STON2: variants seen among roughly 807,000 people sequenced by gnomAD.
STON2 encodes the protein stonin-2.
STON2 carries 29 observed loss-of-function variants against 65.7 expected under a neutral mutation model. That is an observed-to-expected ratio of 0.44 (90% CI 0.33 to 0.60). The LOEUF is 0.60. Ranked by LOEUF, STON2 falls within the 20% of genes least tolerant of loss-of-function variation. STON2 has a pLI of 0.03. For missense variants in STON2, 1,054 were observed against 1,118.1 expected, an observed-to-expected ratio of 0.94 and a Z score of 0.82; for synonymous variants, 404 against 414.2, an observed-to-expected ratio of 0.98 and a Z score of 0.30.
At chr14:81,386,595 T>C (rs995184547) in intron 3 of STON2, among the ~76,000 whole-genome samples, 2 of 152,354 alleles carry the variant, frequency 1.3e-5, no homozygotes, top group South Asian at 2.1e-4. Flanking sequence ...AGTGTTTTGC[T>C]TGGGCTATGG....
rs1377351318 is a variant in STON2 at position 81,413,665 on chromosome 14, G to A, written c.-199+13437C>T. Among the ~76,000 whole-genome samples the A allele has an allele frequency of 8.7e-5, 12 of 138,104 alleles. 1 individual carries two copies. The highest frequency in any genetic ancestry group is 1.7e-4 in the Non-Finnish European group (11 of 66,642). The allele number at this position is 138,104 out of a possible 152,430, so 90.6% of individuals were successfully genotyped here. ...AAAAAAATTAGCCTGGCATGGTGGC[G>A]TTTGTCTGTGATCCCAGCTACTGGG... is the stretch of plus-strand genomic sequence containing the variant. On this transcript the variant is annotated intron_variant, in intron 2 of 8. Transcript: ENST00000553821.
In STON2 at chr14:81,413,033, GTGGAGTGCGCTCCTCAGGCGC is replaced by G; in HGVS notation, c.-199+14048_-199+14068del. The G allele has an allele frequency of 6.9e-6, 7 of 1,007,650 alleles. 2 individuals carry two copies. The highest frequency in any genetic ancestry group is 1.1e-5 in the Non-Finnish European group (7 of 661,256). 62.4% of individuals were successfully genotyped at this position (1,007,650 alleles called of 1,614,324 possible). ...GTCGGAAGAGACGCAGCAGAACTCG[GTGGAGTGCGCTCCTCAGGCGC>G]TGGAGAAATACAACAAAGAGAGGAA... On this transcript the variant is annotated intron_variant, in intron 2 of 8. Transcript: ENST00000553821.
Position 81,260,726 on chromosome 14 carries a change from A to T in STON2, c.*7688T>A, listed in dbSNP as rs1894105882. Reference sequence around the variant, plus strand: ...GGATATAATCAGTAGAACAACTAAAAACAAAACCTCACCTCTACAGAGATA... The same window carrying T: ...GGATATAATCAGTAGAACAACTAAATACAAAACCTCACCTCTACAGAGATA... On this transcript the variant is annotated 3_prime_UTR_variant, in exon 8 of 8. Transcript: ENST00000614646. 6.6e-6 allele frequency: 1 copy of T among 152,194 alleles called. No individual in the cohort carries two copies. Among genetic ancestry groups the T allele is most frequent in the Non-Finnish European group, 1.5e-5 (1 of 68,070 alleles). 9.4% of individuals were successfully genotyped at this position (152,194 alleles called of 1,614,324 possible). A position where few individuals can be genotyped will look rare whatever the true frequency, so the allele number is the denominator to read the frequency against.
chr14:81,421,266 G>A (rs920964822), intron 2 of STON2, among the ~76,000 whole-genome samples: 2 of 152,186 alleles, frequency 1.3e-5, no homozygotes, highest in Non-Finnish European at 2.9e-5. Flanking sequence ...TGAACTATAG[G>A]TGATTTACTT....
chr14:81,376,335 AAAT>A (rs1173398774), intron 3 of STON2, among the ~76,000 whole-genome samples: 3 of 152,034 alleles, frequency 2.0e-5, no homozygotes, highest in African/African-American at 7.2e-5. Flanking sequence ...CAATGAAGGG[AAAT>A]AATAAATGTC....
chr14:81,279,301 C>T (rs1280392246), intron 5 of STON2, among the ~76,000 whole-genome samples: 6 of 152,044 alleles, frequency 3.9e-5, no homozygotes, highest in African/African-American at 1.4e-4. Context: ...AACACAAAAA[C>T]CCCAAAAGAA....
intron 5 of STON2, among the ~76,000 whole-genome samples, chr14:81,310,803 T>C (rs1896394273): frequency 6.6e-6 from 1 of 152,168 alleles, no homozygotes; most frequent in Non-Finnish European, 1.5e-5. Context: ...TCACATTCCT[T>C]CCCCTCAAGC....
intron 2 of STON2, among the ~76,000 whole-genome samples, chr14:81,408,097 G>C (rs1239168279): frequency 6.6e-6 from 1 of 151,256 alleles, no homozygotes; most frequent in South Asian, 2.1e-4. Context: ...TGAGAGACCT[G>C]AATTCTCATT....
intron 5 of STON2, among the ~76,000 whole-genome samples, chr14:81,287,564 C>T (rs113727755): frequency 2.0e-5 from 3 of 152,280 alleles, no homozygotes; most frequent in African/African-American, 7.2e-5. Flanking sequence ...CCCTCCCTGC[C>T]ATTAGGACAG....
At chr14:81,295,002 C>T (rs781557454) in intron 5 of STON2, among the ~76,000 whole-genome samples, 11 of 152,052 alleles carry the variant, frequency 7.2e-5, no homozygotes, top group South Asian at 4.1e-4. Context: ...AAGTGGGTGC[C>T]GGGTGGGCAG....
At chr14:81,310,190 A>G (rs1896369443) in intron 5 of STON2, among the ~76,000 whole-genome samples, 1 of 152,244 alleles carries the variant, frequency 6.6e-6, no homozygotes, top group South Asian at 2.1e-4. Context: ...AGTTAAGAAT[A>G]TTACACTGCT....
At chr14:81,423,847 A>C (rs1350760738) in intron 2 of STON2, among the ~76,000 whole-genome samples, 3 of 152,160 alleles carry the variant, frequency 2.0e-5, no homozygotes, top group Non-Finnish European at 2.9e-5. Flanking sequence ...GGGTGTCTCC[A>C]ACTGCCAGGG....
intron 7 of STON2, chr14:81,269,437 A>G (rs1894484411): frequency 1.0e-6 from 1 of 985,342 alleles, no homozygotes; most frequent in African/African-American, 1.7e-5. Context: ...CTTTGAAAGT[A>G]ATACATCTCA....
chr14:81,316,943 C>A (rs547119022), intron 5 of STON2, among the ~76,000 whole-genome samples: 1 of 152,280 alleles, frequency 6.6e-6, no homozygotes, highest in South Asian at 2.1e-4. Context: ...TGGCGTGAAC[C>A]CGCGAGGCAG....
chr14:81,280,202 AGGAC>A (rs1281600026), intron 5 of STON2, among the ~76,000 whole-genome samples: 1 of 152,192 alleles, frequency 6.6e-6, no homozygotes, highest in Non-Finnish European at 1.5e-5. Flanking sequence ...AAAGAGATAC[AGGAC>A]TTGGGTTTGA....
intron 2 of STON2, among the ~76,000 whole-genome samples, chr14:81,417,936 G>A (rs1901519872): frequency 6.6e-6 from 1 of 152,106 alleles, no homozygotes. Context: ...TGAAAAAGAA[G>A]TTTTCTCTAG....
Position 81,370,977 on chromosome 14 carries a change from C to G in STON2, c.571+11G>C, listed in dbSNP as rs750835863. On this transcript the variant is annotated intron_variant, in intron 4 of 7. Coordinates refer to ENST00000614646, the MANE Select transcript of STON2 (RefSeq NM_001394390.1). ...ATTTGCAAAGCCCTCTGGCTTAGAG[C>G]TCCATCTTACCAGTTGAGTCAGCCC... The G allele has an allele frequency of 2.9e-5, 47 of 1,611,258 alleles. No homozygotes were observed. The highest frequency in any genetic ancestry group is 3.8e-5 in the Non-Finnish European group (45 of 1,179,144).
At chr14:81,303,059 G>GGTGT (rs56117739) in intron 5 of STON2, among the ~76,000 whole-genome samples, 2,557 of 97,022 alleles carry the variant, frequency 0.026, 71 homozygotes, top group Middle Eastern at 0.057. Context: ...ATGTGTGGGG[G>GGTGT]GTGTGTGTGT....
At chr14:81,345,106 G>C (rs2140301528) in intron 4 of STON2, among the ~76,000 whole-genome samples, 1 of 152,276 alleles carries the variant, frequency 6.6e-6, no homozygotes, top group Admixed American at 6.5e-5. Flanking sequence ...CATATAATGG[G>C]TCCAGAAATA....
Sources: gnomAD v4.1 joint callset for allele counts (sites outside exome capture counted in the v4.1 genomes callset) on GRCh38, gnomAD v4.1.1 for gene constraint, MANE v1.5 for transcripts, NCBI Gene and HGNC (gene_info 2026-07-23, HGNC 2026-07-21) for gene names.